PDE8A: variants seen among roughly 807,000 people sequenced by gnomAD.
PDE8A encodes the protein phosphodiesterase 8A.
PDE8A carries 59 observed loss-of-function variants against 105.0 expected under a neutral mutation model. The ratio of observed to expected loss-of-function variants is 0.56; its 90% CI spans 0.46 to 0.70. The LOEUF is 0.70. Among genes scored for constraint, PDE8A ranks in the 30% least tolerant of loss-of-function variants. The pLI is 0.00. For synonymous variants in PDE8A, 355 were observed against 371.9 expected (o/e 0.95, Z 0.52); for missense variants, 1,014 against 1,045.9 (o/e 0.97, Z 0.42).
chr15:85,040,311 G>A (rs1228957332), intron 1 of PDE8A, among the ~76,000 whole-genome samples: 16 of 8,892 alleles, frequency 1.8e-3, no homozygotes, highest in Admixed American at 9.1e-3. Context: ...CCACCTTGGC[G>A]CCTCCCAAAG....
intron 2 of PDE8A, 105 bp downstream of exon 2, chr15:85,064,531 G>GTGTTTGGACCAA: frequency 1.4e-6 from 1 of 718,920 alleles, no homozygotes; most frequent in Non-Finnish European, 2.4e-6. Context: ...TTAGATAATA[G>GTGTTTGGACCAA]TGTTTGGACC....
intron 1 of PDE8A, among the ~76,000 whole-genome samples, chr15:85,009,012 C>G (rs2080195096): frequency 6.6e-6 from 1 of 151,912 alleles, no homozygotes; most frequent in Admixed American, 6.6e-5. Context: ...AGTTTTGAGT[C>G]CTGTAAAAAG....
At position 85,123,124 on chromosome 15, in the gene PDE8A, G is replaced by C. The variant is rs776965821; in HGVS notation, c.2016G>C (p.Lys672Asn). The change falls in exon 19 of 22, where the codon AAG (lysine) becomes AAC (asparagine). Residue 672 changes from lysine (K) to asparagine (N), a missense_variant. By Grantham distance (94) the Lys-to-Asn change is moderately conservative. Transcript: ENST00000394553. ...TGGTCTTAGCCACAGAAATGACAAA[G>C]CACTTTGAGCATGTCAACAAATTTG... ...IDMVLATEMTKHFEHVNKFVN... is the reference protein window; with the variant it reads ...IDMVLATEMTNHFEHVNKFVN... 6.2e-7 allele frequency: 1 copy of C among 1,613,910 alleles called. No homozygotes were observed. Among genetic ancestry groups the C allele is most frequent in the African/African-American group, 1.3e-5 (1 of 75,030 alleles).
chr15:84,999,384 G>C (rs1344048362), intron 1 of PDE8A, among the ~76,000 whole-genome samples: 1 of 151,980 alleles, frequency 6.6e-6, no homozygotes, highest in East Asian at 1.9e-4. Context: ...CGGCCTCCCA[G>C]TGTACTGGGA....
chr15:85,008,328 T>C (rs2080182143), intron 1 of PDE8A, among the ~76,000 whole-genome samples: 1 of 152,044 alleles, frequency 6.6e-6, no homozygotes, highest in South Asian at 2.1e-4. Flanking sequence ...TGCTTCAATA[T>C]ATTTTCAGAA....
rs769043560 is a variant in PDE8A, at chr15:85,115,532, T to C, written c.1399+45T>C. 6.3e-6 allele frequency: 6 copies of C among 949,596 alleles called. No homozygotes were observed. In the East Asian group the frequency reaches 1.6e-4, roughly 25 times the overall value. The allele number at this position is 949,596 out of a possible 1,614,324, so 58.8% of individuals were successfully genotyped here. A position where few individuals can be genotyped will look rare whatever the true frequency, so the allele number is the denominator to read the frequency against. On this transcript the variant is annotated intron_variant, in intron 15 of 21. Transcript: ENST00000394553. The stretch of plus-strand genomic sequence containing the variant: ...TTTCTTAGATCACTGTCTATAATAC[T>C]GCAGTCTAGCTTAAGTGATGAAAAT...
At chr15:85,008,286 G>A (rs1181305034) in intron 1 of PDE8A, among the ~76,000 whole-genome samples, 3 of 152,036 alleles carry the variant, frequency 2.0e-5, no homozygotes, top group African/African-American at 7.3e-5. Context: ...ACTTTGCAAT[G>A]TTGTGATGGT....
intron 1 of PDE8A, among the ~76,000 whole-genome samples, chr15:84,993,238 TC>T (rs2079915332): frequency 6.6e-6 from 1 of 150,560 alleles, no homozygotes; most frequent in African/African-American, 2.4e-5. Flanking sequence ...GGTCAGGAGA[TC>T]AAGACCATCC....
intron 20 of PDE8A, among the ~76,000 whole-genome samples, chr15:85,128,278 G>A (rs995770158): frequency 1.3e-5 from 2 of 152,164 alleles, no homozygotes; most frequent in East Asian, 3.8e-4. Context: ...GCCAAGGTGG[G>A]AGGATTACTT....
intron 3 of PDE8A, among the ~76,000 whole-genome samples, chr15:85,072,083 A>G (rs1042562945): frequency 6.6e-6 from 1 of 152,228 alleles, no homozygotes; most frequent in African/African-American, 2.4e-5. Flanking sequence ...ATGCAGAAGC[A>G]AGATTGAACT....
chr15:85,135,612 A>G (rs1042464278), intron 20 of PDE8A, among the ~76,000 whole-genome samples: 2 of 152,118 alleles, frequency 1.3e-5, no homozygotes. Context: ...TCTTGCAGCG[A>G]TTCCGGTTGC....
chr15:85,137,942 C>A lies in PDE8A; in HGVS notation c.*39C>A. On this transcript the variant is annotated 3_prime_UTR_variant, in exon 22 of 22. Transcript: ENST00000394553. ...CCAGAGCCCTGAAGCTTTGTTCCTT[C>A]GGTCATTTGGAATTCCTGAGGGCAG... 7.6e-7 allele frequency: 1 copy of A among 1,313,756 alleles called. No homozygotes were observed. The highest frequency in any genetic ancestry group is 1.1e-6 in the Non-Finnish European group (1 of 909,224). 81.4% of individuals were successfully genotyped at this position (1,313,756 alleles called of 1,614,324 possible). A position where few individuals can be genotyped will look rare whatever the true frequency, so the allele number is the denominator to read the frequency against.
chr15:84,982,741 G>C (rs1057447058), intron 1 of PDE8A, among the ~76,000 whole-genome samples: 5 of 152,192 alleles, frequency 3.3e-5, no homozygotes, highest in Non-Finnish European at 5.9e-5. Flanking sequence ...AAATCAGTGT[G>C]AACTTTGTTC....
chr15:85,102,751 A>G (rs779560252), intron 11 of PDE8A, among the ~76,000 whole-genome samples: 27 of 151,642 alleles, frequency 1.8e-4, no homozygotes, highest in Non-Finnish European at 3.4e-4. Flanking sequence ...AGGCAGGAGA[A>G]TCACTTGAAC....
intron 1 of PDE8A, among the ~76,000 whole-genome samples, chr15:85,026,768 AC>A (rs1273410300): frequency 6.6e-6 from 1 of 152,158 alleles, no homozygotes; most frequent in Non-Finnish European, 1.5e-5. Flanking sequence ...CTGTCTCAAA[AC>A]AAAAAACAAA....
intron 7 of PDE8A, among the ~76,000 whole-genome samples, chr15:85,090,152 AGGGCACAGGCTTTGGTGTCAGACGGGCCT>A (rs1487359179): frequency 6.6e-6 from 1 of 152,140 alleles, no homozygotes; most frequent in Non-Finnish European, 1.5e-5. Flanking sequence ...CCAGTGTTTG[AGGGCACAGGCTTTGGTGTCAGACGGGCCT>A]GGGCTCCATC....
rs1268308784 is a variant in PDE8A at position 85,057,601 on chromosome 15, C to T, written c.187-6769C>T. Among the ~76,000 whole-genome samples, 4 of 152,318 alleles carry T rather than the reference C, an allele frequency of 2.6e-5. 1 individual carries two copies. The highest frequency in any genetic ancestry group is 4.1e-4 in the South Asian group (2 of 4,830). On this transcript the variant is annotated intron_variant, in intron 1 of 21. Coordinates refer to ENST00000394553, the MANE Select transcript of PDE8A (RefSeq NM_002605.3). ...CTCAGTTGGAAATGCAGAAATCACC[C>T]GTCTTCCATGTCGCGCACGCTGGGA...
intron 11 of PDE8A, among the ~76,000 whole-genome samples, chr15:85,105,277 G>T (rs2081930944): frequency 6.6e-6 from 1 of 152,156 alleles, no homozygotes; most frequent in Non-Finnish European, 1.5e-5. Context: ...GGAAGAGGTA[G>T]TTACCAGAGG....
chr15:85,124,786 A>G (rs1348021716), intron 19 of PDE8A, among the ~76,000 whole-genome samples: 1 of 151,942 alleles, frequency 6.6e-6, no homozygotes, highest in East Asian at 1.9e-4. Flanking sequence ...GCTCATTGTC[A>G]CCTGGCCACC....
Sources: allele counts gnomAD v4.1 joint callset (sites outside exome capture counted in the v4.1 genomes callset), GRCh38; gene constraint gnomAD v4.1.1; transcripts MANE v1.5; gene names NCBI Gene and HGNC (gene_info 2026-07-23, HGNC 2026-07-21).